AFF1: variants seen among roughly 807,000 people sequenced by gnomAD.
AFF1 encodes the protein ALF transcription elongation factor 1.
In AFF1, 48 loss-of-function variants were observed where a neutral mutation model predicts 121.7. The observed-to-expected ratio is 0.39, with a 90% CI of 0.31 to 0.50. AFF1 has a LOEUF of 0.50. Ranked by LOEUF, AFF1 falls within the 20% of genes least tolerant of loss-of-function variation. The pLI is 0.76. For synonymous variants in AFF1, 613 were observed against 563.0 expected, an observed-to-expected ratio of 1.09 and a Z score of -1.26; for missense variants, 1,523 against 1,511.7, an observed-to-expected ratio of 1.01 and a Z score of -0.12.
intron 2 of AFF1, among the ~76,000 whole-genome samples, chr4:86,991,445 C>CA (rs57207984): frequency 2.8e-3 from 400 of 141,354 alleles, no homozygotes; most frequent in African/African-American, 8.9e-3. Context: ...ACTCCATCTC[C>CA]AAAAAAAAAA....
intron 2 of AFF1, among the ~76,000 whole-genome samples, chr4:86,970,145 GTTGT>G (rs1722842753): frequency 2.0e-5 from 3 of 151,962 alleles, no homozygotes. Context: ...GGTAATATTT[GTTGT>G]TTGTTCTTTT....
intron 2 of AFF1, among the ~76,000 whole-genome samples, chr4:86,969,521 T>C (rs890976725): frequency 2.7e-5 from 4 of 145,706 alleles, no homozygotes; most frequent in African/African-American, 1.0e-4. Context: ...GGTTTATCAA[T>C]AGGGGATTAG....
chr4:87,067,367 C>G (rs1268628495), intron 4 of AFF1, among the ~76,000 whole-genome samples: 1 of 152,212 alleles, frequency 6.6e-6, no homozygotes, highest in African/African-American at 2.4e-5. Flanking sequence ...ACAAACATCT[C>G]CTGAGATTTT....
In AFF1 at chr4:87,137,448, G is replaced by A. The variant is rs1729391318; in HGVS notation, c.*1747G>A. The A allele has an allele frequency of 8.7e-6, 2 of 230,868 alleles. No individual in the cohort carries two copies. Among genetic ancestry groups the A allele is most frequent in the Non-Finnish European group, 1.7e-5 (2 of 116,600 alleles). The allele number at this position is 230,868 out of a possible 1,614,324, so 14.3% of individuals were successfully genotyped here. A position where few individuals can be genotyped will look rare whatever the true frequency, so the allele number is the denominator to read the frequency against. On this transcript the variant is annotated 3_prime_UTR_variant, in exon 21 of 21. Transcript: ENST00000395146. Reference sequence around the variant, plus strand: ...TCACAGTGTGAGTGGTCTGTGTGAGGCTGTTCCTTCAGTTTCTTCTCCAGA... The same window carrying A: ...TCACAGTGTGAGTGGTCTGTGTGAGACTGTTCCTTCAGTTTCTTCTCCAGA...
chr4:87,119,149 A>G (rs545742733), intron 12 of AFF1, among the ~76,000 whole-genome samples: 1 of 152,230 alleles, frequency 6.6e-6, no homozygotes, highest in Non-Finnish European at 1.5e-5. Flanking sequence ...ATGAGTCACC[A>G]TGCCTGGCCT....
At chr4:87,092,413 T>C (rs1724409154) in intron 7 of AFF1, among the ~76,000 whole-genome samples, 1 of 152,214 alleles carries the variant, frequency 6.6e-6, no homozygotes, top group African/African-American at 2.4e-5. Context: ...CAGCTAGGAA[T>C]TGTATACAAC....
chr4:87,049,587 TGGCACCA>T lies in AFF1; in HGVS notation c.1059+1995_1059+2001del. On this transcript the variant is annotated intron_variant, in intron 4 of 20. Transcript: ENST00000395146. ...TCATTGAAGAATGGGGTTTTTTTTTTGGCACCAGTGCATCTGCTGTCAACAATGGAGT... is the reference window on the plus strand; with the variant it reads ...TCATTGAAGAATGGGGTTTTTTTTTTGTGCATCTGCTGTCAACAATGGAGT... 3 of 430,850 alleles carry T rather than the reference TGGCACCA, an allele frequency of 7.0e-6. No homozygotes were observed. The Admixed American group carries it at 7.8e-5, about 11-fold the overall frequency. The allele number at this position is 430,850 out of a possible 1,614,324, so 26.7% of individuals were successfully genotyped here.
chr4:87,113,305 C>T (rs1351544398), intron 11 of AFF1, among the ~76,000 whole-genome samples: 1 of 151,444 alleles, frequency 6.6e-6, no homozygotes, highest in African/African-American at 2.4e-5. Context: ...TTTTTTGAGA[C>T]CAATGTGTCA....
intron 4 of AFF1, among the ~76,000 whole-genome samples, chr4:87,083,518 GATC>G (rs1034975397): frequency 3.9e-5 from 6 of 152,170 alleles, no homozygotes; most frequent in African/African-American, 1.4e-4. Flanking sequence ...GTGTTCAGAT[GATC>G]ATCATCTTTG....
intron 2 of AFF1, among the ~76,000 whole-genome samples, chr4:86,996,722 TAAAAC>T (rs549315384): frequency 0.042 from 6,357 of 150,326 alleles, 429 homozygotes; most frequent in African/African-American, 0.15. Context: ...AATGATCAAT[TAAAAC>T]AAACAAACAA....
At chr4:87,091,944 A>G (rs1724360857) in intron 7 of AFF1, 115 bp downstream of exon 7, 1 of 706,786 alleles carries the variant, frequency 1.4e-6, no homozygotes, top group Non-Finnish European at 2.4e-6. Context: ...CCTATGTTGA[A>G]AGAATAGGAA....
chr4:86,979,700 A>G (rs574581888), intron 2 of AFF1, among the ~76,000 whole-genome samples: 1 of 152,244 alleles, frequency 6.6e-6, no homozygotes, highest in African/African-American at 2.4e-5. Context: ...ACATTTAGCT[A>G]TCATATCTTG....
rs748092416 is a variant in AFF1 at position 87,127,646 on chromosome 4, A to G, written c.2907A>G (p.Gln969=). The G allele has an allele frequency of 3.1e-6, 5 of 1,614,094 alleles. No individual in the cohort carries two copies. In the South Asian group the frequency reaches 3.3e-5, roughly 11 times the overall value. The change falls in exon 16 of 21, where the codon CAA becomes CAG. Residue 969 remains glutamine (Q), a synonymous_variant. Transcript: ENST00000395146. ...CCTGGTTTTTCCTCTTTTTCAGACA[A>G]CAAGCAGACCTTCACATGAGGGAGG... ...PGKPQVKFDK[Q]QADLHMREAK... is the part of the protein sequence containing the mutation.
At chr4:87,057,900 C>T (rs976456225) in intron 4 of AFF1, among the ~76,000 whole-genome samples, 10 of 152,140 alleles carry the variant, frequency 6.6e-5, no homozygotes, top group African/African-American at 2.2e-4. Flanking sequence ...AACATCCCCC[C>T]GCCCACCATC....
chr4:87,026,681 T>G (rs896487807), intron 2 of AFF1, among the ~76,000 whole-genome samples: 1 of 152,188 alleles, frequency 6.6e-6, no homozygotes, highest in Non-Finnish European at 1.5e-5. Context: ...TCAGCATGTC[T>G]GCAGGGAGGA....
intron 2 of AFF1, among the ~76,000 whole-genome samples, chr4:87,028,070 A>C (rs896961846): frequency 1.3e-5 from 2 of 152,052 alleles, no homozygotes; most frequent in Admixed American, 6.5e-5. Flanking sequence ...AGTGTTCCAA[A>C]ATCCAAAAAA....
chr4:87,048,626 G>T (rs1415437559), intron 4 of AFF1, among the ~76,000 whole-genome samples: 1 of 152,140 alleles, frequency 6.6e-6, no homozygotes, highest in Non-Finnish European at 1.5e-5. Flanking sequence ...TTCCTCAGGT[G>T]GGGGCGTGAT....
chr4:87,124,911 T>C, intron 12 of AFF1, 126 bp from the exon 13 acceptor site: 3 of 618,456 alleles, frequency 4.9e-6, no homozygotes, highest in Non-Finnish European at 8.0e-6. Flanking sequence ...ACTAAGAAGG[T>C]TGCTGTGCGT....
rs1377374321 is a variant in AFF1 at position 87,137,280 on chromosome 4, C to G, written c.*1579C>G. ...CATGTTTCCTACCAAGCATGTTTCA[C>G]ATTTTCCTATTAGTGGAGGAGGGAG... On this transcript the variant is annotated 3_prime_UTR_variant, in exon 21 of 21. Coordinates refer to ENST00000395146, the MANE Select transcript of AFF1 (RefSeq NM_001166693.3). 4.4e-6 allele frequency: 1 copy of G among 227,598 alleles called. No individual in the cohort carries two copies. The highest frequency in any genetic ancestry group is 8.7e-6 in the Non-Finnish European group (1 of 114,304). The allele number at this position is 227,598 out of a possible 1,614,324, so 14.1% of individuals were successfully genotyped here. A position where few individuals can be genotyped will look rare whatever the true frequency, so the allele number is the denominator to read the frequency against.
Sources: allele counts gnomAD v4.1 joint callset (sites outside exome capture counted in the v4.1 genomes callset), GRCh38; gene constraint gnomAD v4.1.1; transcripts MANE v1.5; gene names NCBI Gene and HGNC (gene_info 2026-07-23, HGNC 2026-07-21).